The following EVI5 variants were observed in gnomAD, a reference collection of about 807,000 sequenced individuals.
EVI5 encodes the protein ecotropic viral integration site 5.
In EVI5, 73 loss-of-function variants were observed where a neutral mutation model predicts 112.0. That is an observed-to-expected ratio of 0.65 (90% CI 0.54 to 0.79). The LOEUF (loss-of-function observed/expected upper bound fraction) is 0.79, where lower values mean the gene tolerates loss of function less well. EVI5 is among the 30% of genes least tolerant of loss of function. EVI5 has a pLI of 0.00. For synonymous variants in EVI5, 305 were observed against 319.9 expected, an observed-to-expected ratio of 0.95 and a Z score of 0.50; for missense variants, 900 against 968.8, an observed-to-expected ratio of 0.93 and a Z score of 0.94.
chr1:92,720,288 A>C (rs997426502), intron 2 of EVI5, among the ~76,000 whole-genome samples: 7 of 152,100 alleles, frequency 4.6e-5, no homozygotes, highest in African/African-American at 1.7e-4. Flanking sequence ...CTACAAGGCT[A>C]CAGTAACCAA....
At chr1:92,566,129 CCT>C (rs538990144) in intron 18 of EVI5, among the ~76,000 whole-genome samples, 5 of 151,928 alleles carry the variant, frequency 3.3e-5, no homozygotes, top group East Asian at 1.9e-4. Flanking sequence ...CTAAAAACTC[CCT>C]GTTTTTTGTT....
intron 19 of EVI5, among the ~76,000 whole-genome samples, chr1:92,549,868 T>C (rs1666484997): frequency 6.6e-6 from 1 of 152,174 alleles, no homozygotes; most frequent in Non-Finnish European, 1.5e-5. Context: ...GGAGAGGATG[T>C]GGAGAAATAG....
chr1:92,621,593 C>T (rs929944098), intron 16 of EVI5, among the ~76,000 whole-genome samples: 3 of 152,072 alleles, frequency 2.0e-5, no homozygotes, highest in Admixed American at 6.5e-5. Context: ...GGATTACATG[C>T]GTGAGCTACT....
intron 10 of EVI5, among the ~76,000 whole-genome samples, chr1:92,667,211 G>C (rs529704651): frequency 1.3e-5 from 2 of 152,256 alleles, no homozygotes; most frequent in Non-Finnish European, 2.9e-5. Flanking sequence ...CTCAGCCCTG[G>C]AAGTGGAGGT....
intron 1 of EVI5, among the ~76,000 whole-genome samples, chr1:92,762,741 C>T (rs556460150): frequency 6.6e-6 from 1 of 152,114 alleles, no homozygotes; most frequent in Non-Finnish European, 1.5e-5. Flanking sequence ...CCTCTGAAAA[C>T]AGCCTATTAT....
chr1:92,688,849 C>T (rs906419586), intron 9 of EVI5, among the ~76,000 whole-genome samples: 7 of 152,134 alleles, frequency 4.6e-5, no homozygotes, highest in Admixed American at 3.9e-4. Context: ...TACCCTCCAA[C>T]CAACAGGAAG....
intron 13 of EVI5, among the ~76,000 whole-genome samples, chr1:92,640,156 A>G (rs1464656244): frequency 6.6e-6 from 1 of 152,204 alleles, no homozygotes; most frequent in Admixed American, 6.5e-5. Context: ...AAACCATAAA[A>G]ACCCTAGAAG....
chr1:92,517,104 C>T (rs1047239835), intron 19 of EVI5, among the ~76,000 whole-genome samples: 1 of 152,062 alleles, frequency 6.6e-6, no homozygotes, highest in South Asian at 2.1e-4. Flanking sequence ...GAAATATGGT[C>T]GGATCTCTGT....
chr1:92,713,016 G>A (rs1673074300), intron 2 of EVI5, among the ~76,000 whole-genome samples: 2 of 151,610 alleles, frequency 1.3e-5, no homozygotes, highest in South Asian at 4.2e-4. Context: ...TCAAACTCCT[G>A]GGCTTAAGCA....
At chr1:92,534,030 C>T (rs745395305) in intron 19 of EVI5, among the ~76,000 whole-genome samples, 6 of 152,112 alleles carry the variant, frequency 3.9e-5, no homozygotes, top group East Asian at 1.9e-4. Flanking sequence ...CTTAGAAAAC[C>T]CCATTGTCTC....
In EVI5 at chr1:92,509,422, A is replaced by T. The variant is rs112555883; in HGVS notation, c.*4234T>A. 30 of 153,052 alleles carry T rather than the reference A, an allele frequency of 2.0e-4. 1 individual carries two copies. Among genetic ancestry groups the T allele is most frequent in the African/African-American group, 7.2e-4 (30 of 41,560 alleles). 9.5% of individuals were successfully genotyped at this position (153,052 alleles called of 1,614,324 possible). ...GTATCTAGCCAAAAAACAAACAAAC[A>T]AACAAACAAACAAAAAAGACGGTGG... On this transcript the variant is annotated 3_prime_UTR_variant, in exon 20 of 20. Coordinates refer to ENST00000684568, the MANE Select transcript of EVI5 (RefSeq NM_001350197.2).
intron 18 of EVI5, among the ~76,000 whole-genome samples, chr1:92,594,664 T>G (rs1647238918): frequency 6.6e-6 from 1 of 151,866 alleles, no homozygotes; most frequent in African/African-American, 2.4e-5. Context: ...CGCAACCTAC[T>G]CATCTGACAA....
At chr1:92,776,236 T>C (rs978394952) in intron 1 of EVI5, among the ~76,000 whole-genome samples, 5 of 152,062 alleles carry the variant, frequency 3.3e-5, no homozygotes, top group Non-Finnish European at 7.4e-5. Flanking sequence ...AAAAAGGGCA[T>C]TTTAACACAG....
chr1:92,552,210 C>G (rs902146780), intron 19 of EVI5, among the ~76,000 whole-genome samples: 2 of 150,614 alleles, frequency 1.3e-5, no homozygotes, highest in East Asian at 3.9e-4. Context: ...ACCAAGAGAA[C>G]TGACTGAATT....
chr1:92,609,717 G>A (rs191174772), intron 16 of EVI5, among the ~76,000 whole-genome samples: 46 of 151,774 alleles, frequency 3.0e-4, no homozygotes, highest in African/African-American at 8.5e-4. Flanking sequence ...ACTTTACCTC[G>A]CCCTATGAAA....
chr1:92,758,567 C>T (rs556237439), intron 1 of EVI5, among the ~76,000 whole-genome samples: 652 of 49,370 alleles, frequency 0.013, 5 homozygotes, highest in African/African-American at 0.052. Context: ...AAGACCCTGT[C>T]TCACAAAAAA....
In EVI5 at chr1:92,625,990, C is replaced by T. The variant is rs972175852; in HGVS notation, c.1528-56G>A. 29 of 1,049,888 alleles carry T rather than the reference C, an allele frequency of 2.8e-5. No homozygotes were observed. The African/African-American group carries it at 4.6e-4, about 17-fold the overall frequency. The allele number at this position is 1,049,888 out of a possible 1,614,324, so 65.0% of individuals were successfully genotyped here. A position where few individuals can be genotyped will look rare whatever the true frequency, so the allele number is the denominator to read the frequency against. ...TTTAAATTTAAGGAATAAAATACAG[C>T]ACACACAACAGCTATTGTGTTCCAC... is the stretch of plus-strand genomic sequence containing the variant. On this transcript the variant is annotated intron_variant, in intron 14 of 19. Transcript: ENST00000684568.
At chr1:92,759,730 A>G (rs1681510224) in intron 1 of EVI5, among the ~76,000 whole-genome samples, 2 of 152,118 alleles carry the variant, frequency 1.3e-5, no homozygotes, top group Non-Finnish European at 2.9e-5. Context: ...ATGTAAAACT[A>G]GCCTTTTCTG....
chr1:92,754,769 T>A (rs1168468176), intron 1 of EVI5, among the ~76,000 whole-genome samples: 1 of 152,222 alleles, frequency 6.6e-6, no homozygotes, highest in Non-Finnish European at 1.5e-5. Context: ...GATATTTTTG[T>A]AATATTCAAT....
Sources: gnomAD v4.1 joint callset for allele counts (sites outside exome capture counted in the v4.1 genomes callset) on GRCh38, gnomAD v4.1.1 for gene constraint, MANE v1.5 for transcripts, NCBI Gene and HGNC (gene_info 2026-07-23, HGNC 2026-07-21) for gene names.